Variants in DPY19L3 observed in about 807,000 individuals in gnomAD.
The protein encoded by DPY19L3 is protein C-mannosyl-transferase DPY19L3.
A neutral mutation model predicts 92.3 loss-of-function variants in DPY19L3; 51 were observed. The observed-to-expected ratio is 0.55, with a 90% CI of 0.44 to 0.70. The LOEUF (loss-of-function observed/expected upper bound fraction) is 0.70. Among genes scored for constraint, DPY19L3 ranks in the 30% least tolerant of loss-of-function variants. The pLI, the probability that DPY19L3 is intolerant of heterozygous loss-of-function variation, is 0.00. For missense variants in DPY19L3, 706 were observed against 855.9 expected, an observed-to-expected ratio of 0.82 and a Z score of 2.18; for synonymous variants, 309 against 315.2, an observed-to-expected ratio of 0.98 and a Z score of 0.21.
intron 3 of DPY19L3, among the ~76,000 whole-genome samples, chr19:32,427,693 C>T (rs1416814271): frequency 6.6e-6 from 1 of 152,170 alleles, no homozygotes; most frequent in East Asian, 1.9e-4. Context: ...CATGCCACGG[C>T]TTTAATCAAC....
At chr19:32,417,466 G>A (rs1968417759) in intron 3 of DPY19L3, among the ~76,000 whole-genome samples, 1 of 152,202 alleles carries the variant, frequency 6.6e-6, no homozygotes, top group Non-Finnish European at 1.5e-5. Flanking sequence ...CTTAACAGGT[G>A]CGTGCCACCA....
At position 32,463,381 on chromosome 19, in the gene DPY19L3, A is replaced by C; in HGVS notation, c.1338A>C (p.Gln446His). 6.2e-7 allele frequency: 1 copy of C among 1,613,810 alleles called. No individual in the cohort carries two copies. ...AFHNLSDSTN[Q>H]QSVGKMEKGT... Reference sequence around the variant, plus strand: ...TTTTACTCAGTGATTCTACAAATCAACAATCCGTGGGTAAAATGGAAAAAG... The same window carrying C: ...TTTTACTCAGTGATTCTACAAATCACCAATCCGTGGGTAAAATGGAAAAAG... Residue 446 changes from glutamine (Q) to histidine (H), a missense_variant, in exon 13 of 19, where the codon CAA (glutamine) becomes CAC (histidine). By Grantham distance (24) the Gln-to-His change is conservative. Transcript: ENST00000392250.
intron 16 of DPY19L3, among the ~76,000 whole-genome samples, chr19:32,474,289 A>G (rs1435861773): frequency 5.3e-5 from 8 of 152,222 alleles, no homozygotes; most frequent in Non-Finnish European, 8.8e-5. Context: ...ACATTAAGAC[A>G]GTCACAACTT....
At chr19:32,419,230 G>A (rs908879335) in intron 3 of DPY19L3, among the ~76,000 whole-genome samples, 12 of 149,918 alleles carry the variant, frequency 8.0e-5, no homozygotes, top group African/African-American at 3.0e-4. Context: ...GCGCGATCTC[G>A]GCTCCCTGCA....
rs756662999 is a variant in DPY19L3 at position 32,449,612 on chromosome 19, C to G, written c.856-3533C>G. Among the ~76,000 whole-genome samples, 6 of 152,166 alleles carry G rather than the reference C, an allele frequency of 3.9e-5. No individual in the cohort carries two copies. The South Asian group carries it at 1.2e-3, about 32-fold the overall frequency. On this transcript the variant is annotated intron_variant, in intron 8 of 18. Coordinates refer to ENST00000392250, the MANE Select transcript of DPY19L3 (RefSeq NM_001172774.2). ...AATAGAATTGAGAGAGAGAAATAAA[C>G]CTGCACAAGAAATGGTCAATTAATT...
chr19:32,462,987 T>C (rs1457349352), intron 12 of DPY19L3, among the ~76,000 whole-genome samples: 1 of 152,190 alleles, frequency 6.6e-6, no homozygotes, highest in Admixed American at 6.5e-5. Context: ...GTGTTTTGCT[T>C]TTGCTTATTT....
intron 8 of DPY19L3, among the ~76,000 whole-genome samples, chr19:32,444,271 A>G (rs1027465926): frequency 6.6e-6 from 1 of 152,212 alleles, no homozygotes; most frequent in African/African-American, 2.4e-5. Context: ...AGAAGAAGCA[A>G]GTGGAAATTT....
chr19:32,447,428 G>T (rs1158830516), intron 8 of DPY19L3, among the ~76,000 whole-genome samples: 1 of 152,110 alleles, frequency 6.6e-6, no homozygotes, highest in Non-Finnish European at 1.5e-5. Flanking sequence ...ATTAAAAAGA[G>T]CTAGCTTGGT....
intron 7 of DPY19L3, 76 bp downstream of exon 7, chr19:32,439,311 A>G: frequency 6.7e-7 from 1 of 1,483,224 alleles, no homozygotes; most frequent in South Asian, 1.3e-5. Context: ...TGATGTGCTT[A>G]GTATCCCAAT....
At chr19:32,468,881 G>C (rs1036531715) in intron 16 of DPY19L3, 68 bp downstream of exon 16, 1 of 1,452,306 alleles carries the variant, frequency 6.9e-7, no homozygotes, top group Middle Eastern at 1.9e-4. Flanking sequence ...ACCACATTTC[G>C]TTTTGGGGGT....
Position 32,485,358 on chromosome 19 carries a change from A to G in DPY19L3, c.*3118A>G, listed in dbSNP as rs999566043. On this transcript the variant is annotated 3_prime_UTR_variant, in exon 19 of 19. Coordinates refer to ENST00000392250, the MANE Select transcript of DPY19L3 (RefSeq NM_001172774.2). Reference sequence around the variant, plus strand: ...GCCATTTATCATCCTGTTAATGATGATTTTCCCGACCCTTGTGAGATCAGC... The same window carrying G: ...GCCATTTATCATCCTGTTAATGATGGTTTTCCCGACCCTTGTGAGATCAGC... 6.6e-6 allele frequency: 1 copy of G among 151,874 alleles called. No individual in the cohort carries two copies. Among genetic ancestry groups the G allele is most frequent in the Admixed American group, 6.6e-5 (1 of 15,260 alleles). The allele number at this position is 151,874 out of a possible 1,614,324, so 9.4% of individuals were successfully genotyped here. A position where few individuals can be genotyped will look rare whatever the true frequency, so the allele number is the denominator to read the frequency against.
intron 3 of DPY19L3, among the ~76,000 whole-genome samples, chr19:32,429,917 G>A (rs775230080): frequency 2.0e-5 from 3 of 152,134 alleles, no homozygotes; most frequent in Non-Finnish European, 2.9e-5. Flanking sequence ...TTGGTTTTAA[G>A]TTCTCAAAAG....
At chr19:32,449,792 A>G (rs1180434113) in intron 8 of DPY19L3, among the ~76,000 whole-genome samples, 3 of 152,226 alleles carry the variant, frequency 2.0e-5, no homozygotes, top group Non-Finnish European at 4.4e-5. Flanking sequence ...CCTAAGTGTA[A>G]GAGCTAAAAC....
At chr19:32,459,973 C>T (rs949850603) in intron 12 of DPY19L3, among the ~76,000 whole-genome samples, 9 of 152,280 alleles carry the variant, frequency 5.9e-5, no homozygotes, top group South Asian at 2.1e-4. Flanking sequence ...TGGCCTACTA[C>T]ACACCTAGGT....
chr19:32,408,264 TC>T lies in DPY19L3; in HGVS notation c.13del (p.Arg5GlyfsTer6). Reference protein sequence around the residue: MMSIRQRREIRATE... With the variant: MMSXRQRREIRATE... ...TGTAAGTCTGACATCATGATGTCCA[TC>T]CGGCAAAGAAGAGAAATAAGAGCCA... is the stretch of plus-strand genomic sequence containing the variant. On this transcript the variant is annotated frameshift_variant, in exon 2 of 19. Transcript: ENST00000392250. LOFTEE classifies it high-confidence loss of function. The T allele has an allele frequency of 6.2e-7, 1 of 1,612,508 alleles. No homozygotes were observed. Among genetic ancestry groups the T allele is most frequent in the Non-Finnish European group, 8.5e-7 (1 of 1,179,632 alleles).
chr19:32,410,130 A>G (rs1968126760), intron 2 of DPY19L3, among the ~76,000 whole-genome samples: 1 of 152,330 alleles, frequency 6.6e-6, no homozygotes, highest in African/African-American at 2.4e-5. Context: ...AAATTGGCCA[A>G]GATTTAAGTA....
Position 32,445,650 on chromosome 19 carries a change from A to T in DPY19L3, c.855+5740A>T, listed in dbSNP as rs10403803. The stretch of plus-strand genomic sequence containing the variant: ...CATCAGAAAGGAAGACAAGGCAATG[A>T]AAAAAGTAAAAATGTGAATAAATAT... On this transcript the variant is annotated intron_variant, in intron 8 of 18. Transcript: ENST00000392250. 6.2e-3 allele frequency among the ~76,000 whole-genome samples: 947 copies of T among 152,236 alleles called. 14 individuals are homozygous for T. Among genetic ancestry groups the T allele is most frequent in the African/African-American group, 0.021 (889 of 41,540 alleles).
chr19:32,460,547 T>C (rs1256325748), intron 12 of DPY19L3, among the ~76,000 whole-genome samples: 1 of 152,224 alleles, frequency 6.6e-6, no homozygotes, highest in East Asian at 1.9e-4. Context: ...GATGTTACCA[T>C]ACACTATTGT....
At chr19:32,480,735 ACCGGGG>A in intron 18 of DPY19L3, 178 bp downstream of exon 18, 3 of 872,914 alleles carry the variant, frequency 3.4e-6, no homozygotes, top group Non-Finnish European at 5.1e-6. Context: ...AGTGACTGCC[ACCGGGG>A]CTGGGCAAGG....
Sources: gnomAD v4.1 joint callset for allele counts (sites outside exome capture counted in the v4.1 genomes callset) on GRCh38, gnomAD v4.1.1 for gene constraint, MANE v1.5 for transcripts, NCBI Gene and HGNC (gene_info 2026-07-23, HGNC 2026-07-21) for gene names.